Variants in PXDNL observed in about 807,000 individuals in gnomAD.
PXDNL encodes probable oxidoreductase PXDNL.
A neutral mutation model predicts 150.8 loss-of-function variants in PXDNL; 145 were observed. The observed-to-expected ratio is 0.96, with a 90% CI of 0.84 to 1.10. The LOEUF (loss-of-function observed/expected upper bound fraction) is 1.10, where lower values mean the gene tolerates loss of function less well. Among genes scored for constraint, PXDNL ranks in the 50% least tolerant of loss-of-function variants. The pLI is 0.00. For missense variants in PXDNL, 2,087 were observed against 1,873.9 expected, an observed-to-expected ratio of 1.11 and a Z score of -2.10; for synonymous variants, 757 against 725.7, an observed-to-expected ratio of 1.04 and a Z score of -0.69.
At chr8:51,721,056 C>T (rs907181620) in intron 1 of PXDNL, among the ~76,000 whole-genome samples, 1 of 152,172 alleles carries the variant, frequency 6.6e-6, no homozygotes, top group Non-Finnish European at 1.5e-5. Flanking sequence ...CTGCAGAGCC[C>T]GTGAACAAGT....
At chr8:51,631,816 T>C (rs183363408) in intron 2 of PXDNL, among the ~76,000 whole-genome samples, 259 of 152,256 alleles carry the variant, frequency 1.7e-3, no homozygotes, top group African/African-American at 5.7e-3. Flanking sequence ...GTTTATGCTA[T>C]TGAAGCTAAG....
At chr8:51,346,756 C>G (rs1395250783) in intron 19 of PXDNL, among the ~76,000 whole-genome samples, 1 of 152,172 alleles carries the variant, frequency 6.6e-6, no homozygotes, top group African/African-American at 2.4e-5. Context: ...GCCTCCTGCT[C>G]CCTTTTGCCT....
intron 1 of PXDNL, among the ~76,000 whole-genome samples, chr8:51,760,374 CT>C (rs1274211006): frequency 2.6e-5 from 4 of 151,876 alleles, no homozygotes; most frequent in Admixed American, 1.3e-4. Context: ...AAAAAAAAAG[CT>C]ATTGTGAAAT....
At chr8:51,508,210 C>T (rs76182765) in intron 4 of PXDNL, among the ~76,000 whole-genome samples, 2,311 of 152,266 alleles carry the variant, frequency 0.015, 60 homozygotes, top group African/African-American at 0.053. Context: ...AACTCACAAT[C>T]GTCTCTTGTC....
intron 19 of PXDNL, among the ~76,000 whole-genome samples, chr8:51,355,669 G>A (rs1806484797): frequency 6.6e-6 from 1 of 152,172 alleles, no homozygotes; most frequent in Non-Finnish European, 1.5e-5. Flanking sequence ...AATTTTATCA[G>A]TAGAGTTTTG....
chr8:51,651,273 C>T (rs1415165740), intron 2 of PXDNL, among the ~76,000 whole-genome samples: 1 of 152,154 alleles, frequency 6.6e-6, no homozygotes, highest in Non-Finnish European at 1.5e-5. Flanking sequence ...AGAATAAACA[C>T]ACATAGATGA....
intron 1 of PXDNL, among the ~76,000 whole-genome samples, chr8:51,790,796 ATG>A (rs1456542454): frequency 3.0e-5 from 1 of 33,376 alleles, no homozygotes. Flanking sequence ...ATATATATAT[ATG>A]TGTGTGTGTG....
At position 51,453,565 on chromosome 8, in the gene PXDNL, G is replaced by A. The variant is rs1212240542; in HGVS notation, c.1203C>T (p.Asn401=). 6.2e-7 allele frequency: 1 copy of A among 1,614,004 alleles called. No homozygotes were observed. The highest frequency in any genetic ancestry group is 1.1e-5 in the South Asian group (1 of 91,084). ...CAGCTTGAACAGTGCCGTGGCTATT[G>A]TTGGCATGACAGGTAAATCGACCAT... ...RDHGRFTCHA[N]NSHGTVQAAA... is the part of the protein sequence containing the mutation. Residue 401 remains asparagine, a synonymous_variant, in exon 10 of 23, where the codon AAC becomes AAT. Transcript: ENST00000356297.
At chr8:51,576,427 C>A (rs1813056367) in intron 3 of PXDNL, among the ~76,000 whole-genome samples, 1 of 151,630 alleles carries the variant, frequency 6.6e-6, no homozygotes, top group African/African-American at 2.4e-5. Flanking sequence ...TACAAACAAT[C>A]CCTGAGTCAG....
intron 17 of PXDNL, 88 bp from the exon 18 acceptor site, chr8:51,374,819 T>A: frequency 6.9e-7 from 1 of 1,441,012 alleles, no homozygotes; most frequent in Non-Finnish European, 9.4e-7. Context: ...CAAGCATTAT[T>A]TTATCCACAC....
chr8:51,364,449 C>A, intron 19 of PXDNL, among the ~76,000 whole-genome samples: 1 of 152,168 alleles, frequency 6.6e-6, no homozygotes, highest in Non-Finnish European at 1.5e-5. Context: ...TTCACCAGAT[C>A]AAGAATCAAG....
At chr8:51,589,709 C>G (rs1813400629) in intron 3 of PXDNL, among the ~76,000 whole-genome samples, 2 of 152,152 alleles carry the variant, frequency 1.3e-5, no homozygotes. Context: ...AAGAGCAGAG[C>G]ACTCAGGTTG....
intron 4 of PXDNL, among the ~76,000 whole-genome samples, chr8:51,512,421 C>A (rs568739771): frequency 6.6e-6 from 1 of 152,254 alleles, no homozygotes; most frequent in East Asian, 1.9e-4. Context: ...TCCAATACGT[C>A]CCCCTCTCAG....
intron 17 of PXDNL, among the ~76,000 whole-genome samples, chr8:51,380,110 A>T (rs796366443): frequency 6.8e-6 from 1 of 146,316 alleles, no homozygotes; most frequent in African/African-American, 2.5e-5. Context: ...CACTAACACT[A>T]AGAATAGCTG....
chr8:51,596,423 G>C (rs1228366472), intron 2 of PXDNL, among the ~76,000 whole-genome samples: 1 of 152,134 alleles, frequency 6.6e-6, no homozygotes, highest in Non-Finnish European at 1.5e-5. Context: ...CCAGTAATAG[G>C]ATTGCTGGGT....
At chr8:51,474,137 G>T (rs1810418979) in intron 7 of PXDNL, among the ~76,000 whole-genome samples, 1 of 152,090 alleles carries the variant, frequency 6.6e-6, no homozygotes. Flanking sequence ...CTTGTTTAGA[G>T]AAATTCAAAA....
chr8:51,798,691 G>A (rs558273690), intron 1 of PXDNL, among the ~76,000 whole-genome samples: 1 of 152,332 alleles, frequency 6.6e-6, no homozygotes, highest in African/African-American at 2.4e-5. Flanking sequence ...AACAGATGCT[G>A]GCAAGGCTGT....
intron 20 of PXDNL, among the ~76,000 whole-genome samples, chr8:51,343,729 C>T (rs924722747): frequency 1.3e-5 from 2 of 152,294 alleles, no homozygotes; most frequent in Non-Finnish European, 2.9e-5. Flanking sequence ...ATCCCCATCA[C>T]CATCTTATAA....
At chr8:51,700,162 C>A (rs1414140714) in intron 1 of PXDNL, among the ~76,000 whole-genome samples, 1 of 52,114 alleles carries the variant, frequency 1.9e-5, no homozygotes, top group Non-Finnish European at 3.9e-5. Context: ...ACAAGGTATG[C>A]CTGCATACAC....
Sources: gnomAD v4.1 joint callset for allele counts (sites outside exome capture counted in the v4.1 genomes callset) on GRCh38, gnomAD v4.1.1 for gene constraint, MANE v1.5 for transcripts, NCBI Gene and HGNC (gene_info 2026-07-23, HGNC 2026-07-21) for gene names.